PLCH1: variants seen among roughly 807,000 people sequenced by gnomAD.
The protein encoded by PLCH1 is phospholipase C eta 1.
In PLCH1, 60 loss-of-function variants were observed where a neutral mutation model predicts 126.7. That is an observed-to-expected ratio of 0.47 (90% CI 0.38 to 0.59). PLCH1 has a LOEUF of 0.59. Among genes scored for constraint, PLCH1 ranks in the 20% least tolerant of loss-of-function variants. PLCH1 has a pLI of 0.00. For synonymous variants in PLCH1, 719 were observed against 734.9 expected, an observed-to-expected ratio of 0.98 and a Z score of 0.35; for missense variants, 1,723 against 2,040.0, an observed-to-expected ratio of 0.84 and a Z score of 2.99.
chr3:155,665,214 G>A (rs998197445), intron 2 of PLCH1, among the ~76,000 whole-genome samples: 3 of 152,132 alleles, frequency 2.0e-5, no homozygotes, highest in Admixed American at 6.5e-5. Flanking sequence ...ATCATCTCTT[G>A]GAAGAGAGCC....
chr3:155,730,308 G>A (rs1363436976), intron 1 of PLCH1, among the ~76,000 whole-genome samples: 6 of 150,878 alleles, frequency 4.0e-5, no homozygotes, highest in South Asian at 4.2e-4. Context: ...TTTTGAGACC[G>A]TCTTGCTCTT....
intron 2 of PLCH1, among the ~76,000 whole-genome samples, chr3:155,618,361 T>C (rs1736041876): frequency 6.6e-6 from 1 of 152,136 alleles, no homozygotes; most frequent in African/African-American, 2.4e-5. Context: ...ACTACCTCTT[T>C]CCTGAGGCCC....
chr3:155,719,063 C>T (rs996013029), intron 1 of PLCH1, among the ~76,000 whole-genome samples: 13 of 151,916 alleles, frequency 8.6e-5, no homozygotes, highest in African/African-American at 2.4e-4. Flanking sequence ...TTTGGTTGCA[C>T]GAATCAGTTC....
intron 2 of PLCH1, among the ~76,000 whole-genome samples, chr3:155,689,492 T>A (rs566323881): frequency 6.6e-6 from 1 of 152,132 alleles, no homozygotes; most frequent in South Asian, 2.1e-4. Flanking sequence ...ACATAGAGAA[T>A]TCAAAATGGC....
Position 155,727,211 on chromosome 3 carries a change from C to T in PLCH1, c.-41+17629G>A, listed in dbSNP as rs541712659. On this transcript the variant is annotated intron_variant, in intron 1 of 22. Coordinates refer to ENST00000460012, the MANE Select transcript of PLCH1 (RefSeq NM_014996.4). Reference sequence around the variant, plus strand: ...TCCTCATAGTTTCTTATCTTAAGCTCGTATCTTGTGTTTAGGGGAGGTTTT... The same window carrying T: ...TCCTCATAGTTTCTTATCTTAAGCTTGTATCTTGTGTTTAGGGGAGGTTTT... 2.0e-4 allele frequency among the ~76,000 whole-genome samples: 30 copies of T among 151,866 alleles called. No homozygotes were observed. The South Asian group carries it at 5.6e-3, about 28-fold the overall frequency.
intron 2 of PLCH1, among the ~76,000 whole-genome samples, chr3:155,686,348 T>G (rs867169827): frequency 6.6e-6 from 1 of 152,184 alleles, no homozygotes; most frequent in East Asian, 1.9e-4. Context: ...AGTCAATAAA[T>G]ATTTAAAGCA....
chr3:155,586,631 C>T (rs181510350), intron 4 of PLCH1, among the ~76,000 whole-genome samples: 13 of 148,180 alleles, frequency 8.8e-5, no homozygotes, highest in East Asian at 6.7e-4. Flanking sequence ...TGCTTGAACC[C>T]GGGAGGTGGA....
chr3:155,476,108 C>A (rs556070122), downstream of PLCH1, among the ~76,000 whole-genome samples: 1 of 152,168 alleles, frequency 6.6e-6, no homozygotes, highest in South Asian at 2.1e-4. Context: ...AAAGATCATT[C>A]ATTATGACTA....
intron 18 of PLCH1, 128 bp from the exon 19 acceptor site, chr3:155,490,996 A>G (rs1183034419): frequency 1.7e-6 from 1 of 601,690 alleles, no homozygotes; most frequent in Non-Finnish European, 2.9e-6. Flanking sequence ...TTAGTAAGAA[A>G]AAGAAATGGT....
chr3:155,465,212 C>T (rs1712882677), intron 21 of PLCH1, among the ~76,000 whole-genome samples: 1 of 152,004 alleles, frequency 6.6e-6, no homozygotes, highest in Admixed American at 6.6e-5. Flanking sequence ...ACTAGATCTC[C>T]TCAAGGCAGA....
intron 2 of PLCH1, among the ~76,000 whole-genome samples, chr3:155,664,836 A>T (rs1446796898): frequency 1.3e-5 from 2 of 152,220 alleles, no homozygotes; most frequent in Non-Finnish European, 2.9e-5. Context: ...TAAATAAGAA[A>T]ACTAAGGCTC....
chr3:155,598,675 G>C (rs1487978412), intron 2 of PLCH1, among the ~76,000 whole-genome samples: 1 of 152,168 alleles, frequency 6.6e-6, no homozygotes, highest in East Asian at 1.9e-4. Context: ...TAGAATTCCA[G>C]ATCTGCCACT....
At chr3:155,485,300 G>A in intron 22 of PLCH1, 56 bp downstream of exon 22, 3 of 1,078,248 alleles carry the variant, frequency 2.8e-6, no homozygotes, top group Non-Finnish European at 4.1e-6. Context: ...ATGGTAAACA[G>A]GGACTGACAT....
At chr3:155,569,559 T>C (rs1029100149) in intron 6 of PLCH1, among the ~76,000 whole-genome samples, 4 of 152,160 alleles carry the variant, frequency 2.6e-5, no homozygotes, top group Non-Finnish European at 5.9e-5. Context: ...CTGAAAGTAT[T>C]ATAAATAAAT....
intron 17 of PLCH1, among the ~76,000 whole-genome samples, chr3:155,493,370 C>T (rs553284398): frequency 6.6e-6 from 1 of 152,216 alleles, no homozygotes; most frequent in African/African-American, 2.4e-5. Context: ...TTTGATCTAA[C>T]ACATTATCCT....
intron 10 of PLCH1, among the ~76,000 whole-genome samples, chr3:155,546,323 A>G (rs1725273716): frequency 6.6e-6 from 1 of 152,222 alleles, no homozygotes; most frequent in Non-Finnish European, 1.5e-5. Flanking sequence ...TAGGAATCCA[A>G]CTTACAAGGG....
At chr3:155,502,011 A>AC (rs1480068732) in intron 13 of PLCH1, among the ~76,000 whole-genome samples, 2 of 144,108 alleles carry the variant, frequency 1.4e-5, no homozygotes, top group African/African-American at 5.5e-5. Flanking sequence ...GCTTCTCCTA[A>AC]ACCCCCCCAA....
chr3:155,495,170 C>T (rs964398925), intron 15 of PLCH1, among the ~76,000 whole-genome samples: 4 of 152,062 alleles, frequency 2.6e-5, no homozygotes, highest in African/African-American at 9.7e-5. Context: ...CAAAGACAGA[C>T]ATTCACCTAG....
chr3:155,650,793 T>G (rs531275743), intron 2 of PLCH1, among the ~76,000 whole-genome samples: 1 of 152,306 alleles, frequency 6.6e-6, no homozygotes, highest in East Asian at 1.9e-4. Context: ...AATGCAGATT[T>G]ATGGGAGGCC....
Sources: allele counts gnomAD v4.1 joint callset (sites outside exome capture counted in the v4.1 genomes callset), GRCh38; gene constraint gnomAD v4.1.1; transcripts MANE v1.5; gene names NCBI Gene and HGNC (gene_info 2026-07-23, HGNC 2026-07-21).